The following LRP6 variants were observed in gnomAD, a reference collection of about 807,000 sequenced individuals.
LRP6 encodes LDL receptor related protein 6, also known as low-density lipoprotein receptor-related protein 6.
In LRP6, 43 loss-of-function variants were observed where a neutral mutation model predicts 184.1. The observed-to-expected ratio is 0.23, with a 90% CI of 0.18 to 0.30. The LOEUF (loss-of-function observed/expected upper bound fraction) is 0.30, where lower values mean the gene tolerates loss of function less well. Ranked by LOEUF, LRP6 falls within the 10% of genes least tolerant of loss-of-function variation. The pLI is 1.00. For synonymous variants in LRP6, 719 were observed against 684.9 expected, an observed-to-expected ratio of 1.05 and a Z score of -0.78; for missense variants, 1,571 against 2,005.3, an observed-to-expected ratio of 0.78 and a Z score of 4.14.
chr12:12,120,021 AT>A lies in LRP6; in HGVS notation c.*1104del, dbSNP rs1949580681. On this transcript the variant is annotated 3_prime_UTR_variant, in exon 23 of 23. Coordinates refer to ENST00000261349, the MANE Select transcript of LRP6 (RefSeq NM_002336.3). ...TATATATATATATATATATATATAT[AT>A]ATATATATATATATATATATAAATG... 3 of 110,272 alleles carry A rather than the reference AT, an allele frequency of 2.7e-5. No homozygotes were observed. The highest frequency in any genetic ancestry group is 8.7e-5 in the Admixed American group (1 of 11,482). 6.8% of individuals were successfully genotyped at this position (110,272 alleles called of 1,614,324 possible). A position where few individuals can be genotyped will look rare whatever the true frequency, so the allele number is the denominator to read the frequency against.
At chr12:12,158,522 G>A (rs1435163154) in intron 12 of LRP6, among the ~76,000 whole-genome samples, 3 of 151,864 alleles carry the variant, frequency 2.0e-5, no homozygotes, top group African/African-American at 7.3e-5. Context: ...GCAAGGTCTC[G>A]CTATATTGCC....
intron 7 of LRP6, 39 bp from the exon 8 acceptor site, chr12:12,165,334 G>C: frequency 7.2e-7 from 1 of 1,386,950 alleles, no homozygotes; most frequent in Non-Finnish European, 1.0e-6. Context: ...GATGAATTAT[G>C]CATTTATTCT....
At position 12,138,428 on chromosome 12, in the gene LRP6, T is replaced by C; in HGVS notation, c.3504A>G (p.Glu1168=). The C allele has an allele frequency of 6.2e-7, 1 of 1,614,154 alleles. No homozygotes were observed. The highest frequency in any genetic ancestry group is 8.5e-7 in the Non-Finnish European group (1 of 1,180,020). Residue 1168 remains glutamate (E), a synonymous_variant, in exon 16 of 23, where the codon GAA becomes GAG. Coordinates refer to ENST00000261349, the MANE Select transcript of LRP6 (RefSeq NM_002336.3). ...YWIDKQQQMI[E]KIDMTGREGR... The stretch of plus-strand genomic sequence containing the variant: ...CCTCTCGACCTGTCATGTCAATTTT[T>C]TCAATCATTTGCTGCTGTTTATCAA...
At chr12:12,206,683 G>A (rs935294269) in intron 2 of LRP6, among the ~76,000 whole-genome samples, 9 of 152,018 alleles carry the variant, frequency 5.9e-5, no homozygotes, top group African/African-American at 2.2e-4. Flanking sequence ...CAAGGCAGGA[G>A]GACTGTCTGA....
Position 12,131,881 on chromosome 12 carries a change from C to T in LRP6, c.3910G>A (p.Ala1304Thr), listed in dbSNP as rs376223132. 1.2e-4 allele frequency: 190 copies of T among 1,614,076 alleles called. No individual in the cohort carries two copies. The highest frequency in any genetic ancestry group is 1.5e-4 in the Non-Finnish European group (180 of 1,180,048). The change falls in exon 18 of 23, where the codon GCC (alanine) becomes ACC (threonine). Residue 1304 changes from alanine to threonine, a missense_variant. Physicochemically the swap from Ala to Thr is moderately conservative, Grantham distance 58 (BLOSUM62 0). Coordinates refer to ENST00000261349, the MANE Select transcript of LRP6 (RefSeq NM_002336.3). ...QCASGQCIDG[A>T]LRCNGDANCQ... ...TTTGCATCTCCATTGCATCGGAGGG[C>T]ACCATCAATACACTGCCCACTGGCA... is the stretch of plus-strand genomic sequence containing the variant.
chr12:12,125,312 C>T lies in LRP6; in HGVS notation c.4433G>A (p.Gly1478Asp). 6.2e-7 allele frequency: 1 copy of T among 1,613,994 alleles called. No individual in the cohort carries two copies. The highest frequency in any genetic ancestry group is 8.5e-7 in the Non-Finnish European group (1 of 1,179,976). Residue 1478 changes from glycine to aspartate, a missense_variant, in exon 21 of 23, where the codon GGC becomes GAC. Around this residue, in one of 4 missense-constraint regions of LRP6, gnomAD observed 763 missense variants for 859.5 expected, o/e 0.89. Coordinates refer to ENST00000261349, the MANE Select transcript of LRP6 (RefSeq NM_002336.3). ...ACTACTTACTGCAGGGAAGTAAGTG[C>T]CTTTGGTGCTTGAAGAACTACTTGA... ...ASSSSSSSTK[G>D]TYFPAILNPP...
At chr12:12,149,300 T>C (rs1432738860) in intron 13 of LRP6, 147 bp from the exon 14 acceptor site, 6 of 705,918 alleles carry the variant, frequency 8.5e-6, no homozygotes, top group Non-Finnish European at 1.5e-5. Flanking sequence ...ATACCTTTTT[T>C]TATGGGTAAT....
At chr12:12,122,493 A>G (rs761909766) in intron 22 of LRP6, among the ~76,000 whole-genome samples, 5 of 152,212 alleles carry the variant, frequency 3.3e-5, no homozygotes, top group Non-Finnish European at 7.3e-5. Context: ...GATACAAACC[A>G]TTTGATATCA....
chr12:12,136,118 C>T (rs996020968), intron 16 of LRP6, among the ~76,000 whole-genome samples: 5 of 151,938 alleles, frequency 3.3e-5, no homozygotes, highest in African/African-American at 1.2e-4. Context: ...ACCTGGGAGG[C>T]GGAGGTTACA....
intron 12 of LRP6, among the ~76,000 whole-genome samples, chr12:12,151,540 C>A (rs1950080703): frequency 6.6e-6 from 1 of 151,644 alleles, no homozygotes; most frequent in South Asian, 2.1e-4. Context: ...TCTTAAGTCA[C>A]TGAGCCTCTC....
At chr12:12,173,107 G>T (rs1362438421) in intron 7 of LRP6, among the ~76,000 whole-genome samples, 1 of 152,128 alleles carries the variant, frequency 6.6e-6, no homozygotes, top group Non-Finnish European at 1.5e-5. Flanking sequence ...TGTGACCAAA[G>T]CTTTCTAAAA....
intron 15 of LRP6, among the ~76,000 whole-genome samples, chr12:12,145,695 C>T (rs1301041909): frequency 1.4e-5 from 2 of 147,986 alleles, no homozygotes; most frequent in African/African-American, 2.5e-5. Context: ...GCAGTGGCGC[C>T]GTCTTGACTC....
At chr12:12,246,006 T>TTC (rs1315066371) in intron 1 of LRP6, among the ~76,000 whole-genome samples, 1 of 145,242 alleles carries the variant, frequency 6.9e-6, no homozygotes, top group African/African-American at 2.5e-5. Flanking sequence ...CTTTTTTTTT[T>TTC]TTTTTTTTTT....
At chr12:12,234,117 G>A (rs755114290) in intron 2 of LRP6, among the ~76,000 whole-genome samples, 6 of 152,074 alleles carry the variant, frequency 3.9e-5, no homozygotes, top group Non-Finnish European at 7.4e-5. Flanking sequence ...GAGAAACTCC[G>A]TCTCTACTAA....
intron 7 of LRP6, among the ~76,000 whole-genome samples, chr12:12,172,513 A>G (rs1457296873): frequency 6.6e-6 from 1 of 152,238 alleles, no homozygotes; most frequent in Non-Finnish European, 1.5e-5. Context: ...CAGGAGGACA[A>G]CCAAGCAACC....
chr12:12,149,642 A>G (rs997560263), intron 13 of LRP6, among the ~76,000 whole-genome samples: 2 of 152,206 alleles, frequency 1.3e-5, no homozygotes, highest in African/African-American at 4.8e-5. Context: ...TAAACATCCT[A>G]CAATATTCCG....
rs543490532 is a variant in LRP6 at position 12,188,391 on chromosome 12, G to A, written c.648-1272C>T. On this transcript the variant is annotated intron_variant, in intron 3 of 22. Coordinates refer to ENST00000261349, the MANE Select transcript of LRP6 (RefSeq NM_002336.3). ...GAGAGGGAGGAAGGGAAAGAAAAAT[G>A]AAGGGAAAAGGGAAGGGAAAGCATA... is the stretch of plus-strand genomic sequence containing the variant. Among the ~76,000 whole-genome samples, 350 of 152,124 alleles carry A rather than the reference G, an allele frequency of 2.3e-3. 1 individual carries two copies. The highest frequency in any genetic ancestry group is 8.2e-3 in the African/African-American group (340 of 41,520).
chr12:12,148,100 A>G (rs1466352949), intron 14 of LRP6, among the ~76,000 whole-genome samples: 2 of 151,006 alleles, frequency 1.3e-5, no homozygotes, highest in African/African-American at 2.4e-5. Flanking sequence ...ATCTATTTAT[A>G]TATTTACATT....
intron 15 of LRP6, among the ~76,000 whole-genome samples, chr12:12,145,385 T>A (rs1319629070): frequency 6.6e-6 from 1 of 152,072 alleles, no homozygotes; most frequent in Non-Finnish European, 1.5e-5. Context: ...CATACAAAAA[T>A]GTACATGATA....
Sources: gnomAD v4.1 joint callset for allele counts (sites outside exome capture counted in the v4.1 genomes callset) on GRCh38, gnomAD v4.1.1 for gene constraint, gnomAD v4.1.1 regional missense constraint, MANE v1.5 for transcripts, NCBI Gene and HGNC (gene_info 2026-07-23, HGNC 2026-07-21) for gene names.